RBFOX3: variants seen among roughly 807,000 people sequenced by gnomAD.
RBFOX3 encodes the protein RNA binding protein fox-1 homolog 3.
A neutral mutation model predicts 48.7 loss-of-function variants in RBFOX3; 17 were observed. The observed-to-expected ratio is 0.35, with a 90% CI of 0.24 to 0.52. The LOEUF (loss-of-function observed/expected upper bound fraction) is 0.52, where lower values mean the gene tolerates loss of function less well. RBFOX3 is among the 20% of genes least tolerant of loss of function. The probability of loss-of-function intolerance (pLI) is 0.94; values close to 1 mark genes in which losing one functional copy is unlikely to be tolerated. For synonymous variants in RBFOX3, 212 were observed against 209.5 expected (o/e 1.01, Z -0.10); for missense variants, 382 against 497.5 (o/e 0.77, Z 2.21).
intron 4 of RBFOX3, among the ~76,000 whole-genome samples, chr17:79,134,474 G>A (rs919532176): frequency 3.3e-5 from 5 of 152,220 alleles, no homozygotes; most frequent in African/African-American, 1.2e-4. Context: ...ATGTGGCTGC[G>A]CACAGCAGGT....
In RBFOX3 at chr17:79,349,809, G is replaced by C. The variant is rs368980980; in HGVS notation, c.-174-41985C>G. ...ATCCCCAGCAGGGCCTTGCCTCCTA[G>C]GGAAGCCGAGGTAGGCACAGCCGTG... is the stretch of plus-strand genomic sequence containing the variant. On this transcript the variant is annotated intron_variant, in intron 2 of 14. Coordinates refer to ENST00000693108, the MANE Select transcript of RBFOX3 (RefSeq NM_001350451.2). Among the ~76,000 whole-genome samples the C allele has an allele frequency of 1.2e-4, 18 of 151,844 alleles. 1 individual carries two copies. Among genetic ancestry groups the C allele is most frequent in the Admixed American group, 8.5e-4 (13 of 15,272 alleles).
intron 4 of RBFOX3, among the ~76,000 whole-genome samples, chr17:79,128,117 T>G (rs1263011269): frequency 6.6e-6 from 1 of 152,194 alleles, no homozygotes; most frequent in Non-Finnish European, 1.5e-5. Context: ...GCGGAAGCCC[T>G]CCCCAGCATT....
chr17:79,276,203 C>T (rs903040490), intron 3 of RBFOX3, among the ~76,000 whole-genome samples: 5 of 152,184 alleles, frequency 3.3e-5, no homozygotes, highest in African/African-American at 9.7e-5. Context: ...GACTGTCCCC[C>T]AAGGGCTGGC....
chr17:79,603,416 ACT>A (rs1158023730), intron 1 of RBFOX3, among the ~76,000 whole-genome samples: 1 of 152,160 alleles, frequency 6.6e-6, no homozygotes, highest in African/African-American at 2.4e-5. Context: ...CCGGGTAACA[ACT>A]GAGTCCACGG....
At chr17:79,215,612 G>A (rs1048577718) in intron 4 of RBFOX3, among the ~76,000 whole-genome samples, 3 of 152,208 alleles carry the variant, frequency 2.0e-5, no homozygotes, top group Non-Finnish European at 2.9e-5. Context: ...CACCCCTGGT[G>A]TGCGGGGACT....
rs558575846 is a variant in RBFOX3, at chr17:79,159,341, T to C, written c.-33-43593A>G. ...TCCTCACAGATTCTATAGCCGGAGATGGAGATGGCTCAGGGGCATGCCTGC... is the reference window on the plus strand; with the variant it reads ...TCCTCACAGATTCTATAGCCGGAGACGGAGATGGCTCAGGGGCATGCCTGC... On this transcript the variant is annotated intron_variant, in intron 4 of 14. Transcript: ENST00000693108. 3.3e-5 allele frequency among the ~76,000 whole-genome samples: 5 copies of C among 152,208 alleles called. No homozygotes were observed. In the South Asian group the frequency reaches 1.0e-3, roughly 32 times the overall value.
At chr17:79,424,367 C>T (rs1258977720) in intron 2 of RBFOX3, among the ~76,000 whole-genome samples, 1 of 152,170 alleles carries the variant, frequency 6.6e-6, no homozygotes, top group Non-Finnish European at 1.5e-5. Flanking sequence ...AAGCCCCTGC[C>T]CCCAGAAGTG....
intron 2 of RBFOX3, among the ~76,000 whole-genome samples, chr17:79,478,142 G>C (rs534606331): frequency 0.017 from 2,605 of 152,322 alleles, 36 homozygotes; most frequent in South Asian, 0.066. Context: ...TCTCGGCTCA[G>C]CCCTCAAGGG....
At chr17:79,428,967 G>A (rs2067911926) in intron 2 of RBFOX3, among the ~76,000 whole-genome samples, 1 of 152,154 alleles carries the variant, frequency 6.6e-6, no homozygotes, top group Non-Finnish European at 1.5e-5. Flanking sequence ...TTTACTCCGG[G>A]TCCCCCTTCC....
At chr17:79,114,767 C>T (rs1040802481) in intron 5 of RBFOX3, among the ~76,000 whole-genome samples, 1 of 151,954 alleles carries the variant, frequency 6.6e-6, no homozygotes, top group African/African-American at 2.4e-5. Flanking sequence ...AGGGGAGGCA[C>T]ATGGAGATCT....
intron 2 of RBFOX3, among the ~76,000 whole-genome samples, chr17:79,376,448 A>C (rs1353584224): frequency 6.6e-6 from 1 of 152,146 alleles, no homozygotes; most frequent in Non-Finnish European, 1.5e-5. Flanking sequence ...GGGAGACTGG[A>C]GCTGCCAACA....
intron 1 of RBFOX3, among the ~76,000 whole-genome samples, chr17:79,596,687 A>C (rs1164812356): frequency 6.6e-6 from 1 of 151,950 alleles, no homozygotes; most frequent in African/African-American, 2.4e-5. Flanking sequence ...CTGCCCGCGA[A>C]GCACTTGCAG....
At chr17:79,427,006 G>A (rs552010779) in intron 2 of RBFOX3, among the ~76,000 whole-genome samples, 14 of 152,188 alleles carry the variant, frequency 9.2e-5, no homozygotes, top group African/African-American at 3.1e-4. Context: ...ACCCAGCCCC[G>A]GAGTCCCTTT....
intron 1 of RBFOX3, among the ~76,000 whole-genome samples, chr17:79,523,978 G>A (rs1302241067): frequency 6.6e-6 from 1 of 152,106 alleles, no homozygotes; most frequent in Non-Finnish European, 1.5e-5. Flanking sequence ...TGGAGGTTCG[G>A]GTTTCTGTCC....
intron 1 of RBFOX3, among the ~76,000 whole-genome samples, chr17:79,532,208 G>C (rs1049410976): frequency 1.3e-5 from 2 of 152,126 alleles, no homozygotes; most frequent in African/African-American, 2.4e-5. Flanking sequence ...GAGGGGGGAG[G>C]GGAGGAGGAA....
chr17:79,446,749 A>G (rs1555738596), intron 2 of RBFOX3, among the ~76,000 whole-genome samples: 1 of 152,030 alleles, frequency 6.6e-6, no homozygotes, highest in Non-Finnish European at 1.5e-5. Flanking sequence ...CTCTCAGCAC[A>G]CGGCCTATGG....
At chr17:79,320,988 C>T (rs934840804) in intron 2 of RBFOX3, among the ~76,000 whole-genome samples, 2 of 152,254 alleles carry the variant, frequency 1.3e-5, no homozygotes, top group African/African-American at 4.8e-5. Context: ...CTAAATGTAA[C>T]TGGTGGTTCC....
At chr17:79,200,964 T>C (rs574711176) in intron 4 of RBFOX3, among the ~76,000 whole-genome samples, 19 of 152,116 alleles carry the variant, frequency 1.2e-4, no homozygotes, top group African/African-American at 3.9e-4. Context: ...TATGAGCCTG[T>C]CCCTCCCAGC....
chr17:79,447,760 G>T (rs782820671), intron 2 of RBFOX3, among the ~76,000 whole-genome samples: 10 of 152,232 alleles, frequency 6.6e-5, no homozygotes, highest in Non-Finnish European at 1.3e-4. Flanking sequence ...AGCAGAGCAG[G>T]CTGTGGGCCG....
Sources: gnomAD v4.1 joint callset for allele counts (sites outside exome capture counted in the v4.1 genomes callset) on GRCh38, gnomAD v4.1.1 for gene constraint, MANE v1.5 for transcripts, NCBI Gene and HGNC (gene_info 2026-07-23, HGNC 2026-07-21) for gene names.